Variants in HDAC4 observed in about 807,000 individuals in gnomAD.
HDAC4 encodes histone deacetylase A.
In HDAC4, 16 loss-of-function variants were observed where a neutral mutation model predicts 135.1. The ratio of observed to expected loss-of-function variants is 0.12; its 90% confidence interval spans 0.08 to 0.18. The LOEUF (loss-of-function observed/expected upper bound fraction) is 0.18, where lower values mean the gene tolerates loss of function less well. HDAC4 is among the 10% of genes least tolerant of loss of function. The pLI, the probability that HDAC4 is intolerant of heterozygous loss-of-function variation, is 1.00. For missense variants in HDAC4, 1,143 were observed against 1,511.8 expected (o/e 0.76, Z 4.05); for synonymous variants, 685 against 653.4 (o/e 1.05, Z -0.74).
At chr2:239,330,025 C>T (rs765393862) in intron 2 of HDAC4, among the ~76,000 whole-genome samples, 9 of 152,220 alleles carry the variant, frequency 5.9e-5, no homozygotes, top group Admixed American at 4.6e-4. Context: ...GCTGGCCCGA[C>T]GTGGCCCCTG....
At chr2:239,181,112 C>G (rs1315579555) in intron 4 of HDAC4, among the ~76,000 whole-genome samples, 1 of 152,246 alleles carries the variant, frequency 6.6e-6, no homozygotes, top group Non-Finnish European at 1.5e-5. Flanking sequence ...AGCATCCAGA[C>G]ATTGGGGACA....
At chr2:239,279,112 C>T (rs1371988187) in intron 2 of HDAC4, among the ~76,000 whole-genome samples, 7 of 152,224 alleles carry the variant, frequency 4.6e-5, no homozygotes, top group African/African-American at 9.6e-5. Flanking sequence ...GCCCACAGGC[C>T]GGAGGGCTCC....
intron 2 of HDAC4, among the ~76,000 whole-genome samples, chr2:239,274,341 TG>T (rs1238041766): frequency 2.6e-5 from 4 of 152,174 alleles, no homozygotes; most frequent in Non-Finnish European, 5.9e-5. Flanking sequence ...CACGATTCCC[TG>T]GAAGAGTCAC....
At chr2:239,361,000 C>A (rs750957084) in intron 1 of HDAC4, among the ~76,000 whole-genome samples, 1 of 152,226 alleles carries the variant, frequency 6.6e-6, no homozygotes, top group Non-Finnish European at 1.5e-5. Context: ...CACGTCCCAC[C>A]TCCCAGAAAC....
chr2:239,340,823 G>A (rs1015215039), intron 2 of HDAC4, among the ~76,000 whole-genome samples: 1 of 152,114 alleles, frequency 6.6e-6, no homozygotes, highest in Non-Finnish European at 1.5e-5. Flanking sequence ...CCATCCTGAT[G>A]CTGCAAGACC....
chr2:239,312,864 C>T (rs1028202757), intron 2 of HDAC4, among the ~76,000 whole-genome samples: 2 of 152,224 alleles, frequency 1.3e-5, no homozygotes, highest in Admixed American at 1.3e-4. Context: ...GCCACGTTCC[C>T]CCAGTGTCTT....
chr2:239,125,976 C>A (rs2152849163), intron 12 of HDAC4, among the ~76,000 whole-genome samples: 1 of 152,388 alleles, frequency 6.6e-6, no homozygotes, highest in East Asian at 1.9e-4. Flanking sequence ...TGCACTCAGG[C>A]AGGCTGCAAG....
intron 2 of HDAC4, among the ~76,000 whole-genome samples, chr2:239,260,744 C>T (rs967553877): frequency 1.3e-5 from 2 of 152,232 alleles, no homozygotes; most frequent in African/African-American, 4.8e-5. Context: ...GCCTGGCCTC[C>T]CCCTGGGCAC....
chr2:239,230,368 C>CAAAAAAAAAAAAAAAAAAA (rs56105562), intron 3 of HDAC4, among the ~76,000 whole-genome samples: 2 of 79,394 alleles, frequency 2.5e-5, no homozygotes, highest in African/African-American at 1.0e-4. Flanking sequence ...AGCAAGCAAG[C>CAAAAAAAAAAAAAAAAAAA]AAAAAAAAAA....
chr2:239,083,835 G>A (rs2035592499), intron 20 of HDAC4, among the ~76,000 whole-genome samples: 1 of 152,176 alleles, frequency 6.6e-6, no homozygotes, highest in Non-Finnish European at 1.5e-5. Flanking sequence ...GGCCACACAC[G>A]CAAAGTAGAT....
At chr2:239,298,250 G>A (rs1286786507) in intron 2 of HDAC4, 1 of 1,287,818 alleles carries the variant, frequency 7.8e-7, no homozygotes, top group Admixed American at 2.3e-5. Flanking sequence ...ATCAAATCCA[G>A]GCTTGACGAC....
At position 239,299,975 on chromosome 2, in the gene HDAC4, G is replaced by T. The variant is rs2052154953; in HGVS notation, c.22+52703C>A. On this transcript the variant is annotated intron_variant, in intron 2 of 26. Transcript: ENST00000543185. This position sits in a 1 kb window ranked among gnomAD's most constrained non-coding sequence, Gnocchi z 4.0. ...CAGAGGACTCCCTGCAGTGCTCCAT[G>T]AATTTCTCCCGAATTCCATCCGTAA... Among the ~76,000 whole-genome samples the T allele has an allele frequency of 6.6e-6, 1 of 152,228 alleles. No homozygotes were observed. Among genetic ancestry groups the T allele is most frequent in the Admixed American group, 6.5e-5 (1 of 15,288 alleles).
rs146224407 is a variant in HDAC4 at position 239,092,884 on chromosome 2, C to T, written c.2280+2126G>A. On this transcript the variant is annotated intron_variant, in intron 17 of 26. Coordinates refer to ENST00000543185, the MANE Select transcript of HDAC4 (RefSeq NM_001378414.1). Reference sequence around the variant, plus strand: ...TTGTTTTCTTTTCCTTTCTTTCTCTCTCTCTCGCTTCTCTCCTCTCCTTTT... The same window carrying T: ...TTGTTTTCTTTTCCTTTCTTTCTCTTTCTCTCGCTTCTCTCCTCTCCTTTT... 1.5e-3 allele frequency among the ~76,000 whole-genome samples: 229 copies of T among 152,162 alleles called. 2 individuals carry two copies. The highest frequency in any genetic ancestry group is 5.4e-3 in the African/African-American group (226 of 41,518).
At chr2:239,132,921 G>A (rs1392286516) in intron 11 of HDAC4, among the ~76,000 whole-genome samples, 1 of 152,152 alleles carries the variant, frequency 6.6e-6, no homozygotes, top group Non-Finnish European at 1.5e-5. Flanking sequence ...GAGCATCCAA[G>A]AGACTCAGAC....
At chr2:239,216,033 T>A (rs865839245) in intron 3 of HDAC4, among the ~76,000 whole-genome samples, 1 of 152,198 alleles carries the variant, frequency 6.6e-6, no homozygotes, top group African/African-American at 2.4e-5. Flanking sequence ...CTAATTTGTT[T>A]AAAAAATCAA....
chr2:239,246,502 T>C (rs1400334012), intron 2 of HDAC4, among the ~76,000 whole-genome samples: 3 of 152,108 alleles, frequency 2.0e-5, no homozygotes, highest in African/African-American at 7.2e-5. Flanking sequence ...GAGCCAGGTG[T>C]GTGGGCGGGG....
chr2:239,164,348 C>T (rs892483754), intron 5 of HDAC4, among the ~76,000 whole-genome samples: 1 of 152,248 alleles, frequency 6.6e-6, no homozygotes, highest in Non-Finnish European at 1.5e-5. Flanking sequence ...GCCAGTCTCA[C>T]AGGCAGGCGT....
intron 3 of HDAC4, among the ~76,000 whole-genome samples, chr2:239,204,831 C>T (rs1249746253): frequency 6.6e-6 from 1 of 152,174 alleles, no homozygotes; most frequent in Non-Finnish European, 1.5e-5. Context: ...CACGGAGGGG[C>T]CTCTGATGGC....
At chr2:239,301,062 A>G (rs1226103524) in intron 2 of HDAC4, among the ~76,000 whole-genome samples, 1 of 152,146 alleles carries the variant, frequency 6.6e-6, no homozygotes, top group Non-Finnish European at 1.5e-5. Context: ...GCTGCTGCTC[A>G]GCCGGGTCCC....
Sources: gnomAD v4.1 joint callset for allele counts (sites outside exome capture counted in the v4.1 genomes callset) on GRCh38, gnomAD v4.1.1 for gene constraint, Gnocchi (gnomAD v3.1) non-coding constraint, MANE v1.5 for transcripts, NCBI Gene and HGNC (gene_info 2026-07-23, HGNC 2026-07-21) for gene names.